MTCL2: variants seen among roughly 807,000 people sequenced by gnomAD.
MTCL2 encodes the protein microtubule crosslinking factor 2, also known as microtubule cross-linking factor 2.
the MTCL2 span, chr20:36,781,036 A>T: frequency 1.3e-5 from 2 of 152,184 alleles, no homozygotes; most frequent in African/African-American, 4.8e-5. Flanking sequence ...TGATTATGGG[A>T]ATTACACCAG....
the MTCL2 span, among the ~76,000 whole-genome samples, chr20:36,791,497 T>A: frequency 1.3e-5 from 2 of 152,184 alleles, no homozygotes; most frequent in African/African-American, 4.8e-5. Context: ...AAAAGTAGAA[T>A]GTTTGAGTCT....
chr20:36,794,269 C>T, the MTCL2 span: 2 of 1,551,800 alleles, frequency 1.3e-6, 1 homozygote, highest in South Asian at 2.4e-5. The surrounding 1 kb of genome is among the most constrained non-coding windows in gnomAD (Gnocchi z 5.4). Context: ...TGATCTTGCC[C>T]TCTTTGTCAT....
the MTCL2 span, chr20:36,863,432 C>G: frequency 9.9e-7 from 1 of 1,014,738 alleles, no homozygotes; most frequent in Non-Finnish European, 1.2e-6. The surrounding 1 kb of genome is among the most constrained non-coding windows in gnomAD (Gnocchi z 6.2). Context: ...GGCGCGGCTC[C>G]GGCCGCTGGG....
chr20:36,802,547 C>A, the MTCL2 span, among the ~76,000 whole-genome samples: 3 of 152,170 alleles, frequency 2.0e-5, no homozygotes, highest in South Asian at 6.2e-4. Context: ...TCTGGCCAAT[C>A]CACTGTACTT....
chr20:36,860,449 TCTG>T, the MTCL2 span, among the ~76,000 whole-genome samples: 1 of 152,194 alleles, frequency 6.6e-6, no homozygotes, highest in Admixed American at 6.5e-5. Flanking sequence ...GTATCCCAGA[TCTG>T]CCCTAGCACA....
chr20:36,853,453 C>T, the MTCL2 span, among the ~76,000 whole-genome samples: 2 of 152,120 alleles, frequency 1.3e-5, no homozygotes, highest in Admixed American at 1.3e-4. Context: ...ACAATGGTGA[C>T]GATAACAATA....
the MTCL2 span, chr20:36,793,506 C>A: frequency 6.4e-7 from 1 of 1,551,608 alleles, no homozygotes; most frequent in African/African-American, 1.4e-5. This position sits in a 1 kb window ranked among gnomAD's most constrained non-coding sequence, Gnocchi z 6.8. Flanking sequence ...TGCACAATGC[C>A]GTACTTGGGA....
chr20:36,791,079 G>C, the MTCL2 span, among the ~76,000 whole-genome samples: 1 of 151,644 alleles, frequency 6.6e-6, no homozygotes, highest in Non-Finnish European at 1.5e-5. Context: ...CTGTCACCCA[G>C]GCTGGAGTGC....
At chr20:36,803,188 C>CA in the MTCL2 span, 1 of 1,487,832 alleles carries the variant, frequency 6.7e-7, no homozygotes, top group Non-Finnish European at 8.9e-7. Flanking sequence ...TCCTGGGTGC[C>CA]AGCGGGGAAA....
At chr20:36,788,806 C>CTT in the MTCL2 span, among the ~76,000 whole-genome samples, 22 of 142,566 alleles carry the variant, frequency 1.5e-4, no homozygotes, top group African/African-American at 5.1e-4. Context: ...CTTTTCTTTT[C>CTT]TTTTTTTTTT....
the MTCL2 span, chr20:36,817,380 C>A: frequency 6.4e-7 from 1 of 1,558,236 alleles, no homozygotes; most frequent in Non-Finnish European, 8.7e-7. Flanking sequence ...AGAATAAAAC[C>A]TTCCTACGGG....
chr20:36,825,468 A>G, the MTCL2 span, among the ~76,000 whole-genome samples: 1 of 152,082 alleles, frequency 6.6e-6, no homozygotes, highest in Non-Finnish European at 1.5e-5. Context: ...TCACGTCAAC[A>G]CTCGTATTGG....
the MTCL2 span, among the ~76,000 whole-genome samples, chr20:36,795,440 T>C: frequency 6.6e-6 from 1 of 152,102 alleles, no homozygotes; most frequent in Admixed American, 6.6e-5. Flanking sequence ...CTGAACTGCA[T>C]ACTCCACCAT....
At chr20:36,815,319 T>C in the MTCL2 span, 1 of 1,613,870 alleles carries the variant, frequency 6.2e-7, no homozygotes, top group South Asian at 1.1e-5. The surrounding 1 kb of genome is among the most constrained non-coding windows in gnomAD (Gnocchi z 5.3). Context: ...ATGGATGAGC[T>C]TGGTGTCCCT....
At chr20:36,805,146 A>G in the MTCL2 span, among the ~76,000 whole-genome samples, 1 of 152,170 alleles carries the variant, frequency 6.6e-6, no homozygotes. Flanking sequence ...AGTAATAATT[A>G]TTCAGCCTAA....
At chr20:36,841,368 A>C in the MTCL2 span, among the ~76,000 whole-genome samples, 1 of 151,970 alleles carries the variant, frequency 6.6e-6, no homozygotes, top group Non-Finnish European at 1.5e-5. Flanking sequence ...AAGTGCTATA[A>C]AGACAAAGCC....
the MTCL2 span, chr20:36,794,682 G>A: frequency 6.4e-7 from 1 of 1,570,402 alleles, no homozygotes; most frequent in Non-Finnish European, 8.7e-7. The surrounding 1 kb of genome is among the most constrained non-coding windows in gnomAD (Gnocchi z 5.4). Flanking sequence ...TGGTCCGTGT[G>A]CTGCGTGAGG....
At chr20:36,847,825 G>A in the MTCL2 span, among the ~76,000 whole-genome samples, 5 of 143,442 alleles carry the variant, frequency 3.5e-5, no homozygotes, top group Non-Finnish European at 7.5e-5. Context: ...CTACACTCCA[G>A]CCTGAGTGAC....
the MTCL2 span, among the ~76,000 whole-genome samples, chr20:36,807,051 G>A: frequency 2.6e-5 from 4 of 152,194 alleles, no homozygotes; most frequent in East Asian, 3.9e-4. Context: ...GTTTCCAAAC[G>A]TCACAGAAGA....
Sources: gnomAD v4.1 joint callset for allele counts (sites outside exome capture counted in the v4.1 genomes callset) on GRCh38, gnomAD v4.1.1 for gene constraint, Gnocchi (gnomAD v3.1) non-coding constraint, MANE v1.5 for transcripts, NCBI Gene and HGNC (gene_info 2026-07-23, HGNC 2026-07-21) for gene names.